Variants in ASH1L observed in about 807,000 individuals in gnomAD.
The protein encoded by ASH1L is ASH1 like histone lysine methyltransferase.
A neutral mutation model predicts 269.0 loss-of-function variants in ASH1L; 23 were observed. The ratio of observed to expected loss-of-function variants is 0.09; its 90% CI spans 0.06 to 0.12. The LOEUF (loss-of-function observed/expected upper bound fraction) is 0.12, where lower values mean the gene tolerates loss of function less well. ASH1L is among the 10% of genes least tolerant of loss of function. The pLI, the probability that ASH1L is intolerant of heterozygous loss-of-function variation, is 1.00. For missense variants in ASH1L, 2,912 were observed against 3,567.8 expected (o/e 0.82, Z 4.68); for synonymous variants, 1,187 against 1,253.5 (o/e 0.95, Z 1.12).
At chr1:155,506,714 A>G (rs977482955) in intron 2 of ASH1L, among the ~76,000 whole-genome samples, 19 of 152,166 alleles carry the variant, frequency 1.2e-4, no homozygotes, top group African/African-American at 4.6e-4. Context: ...AAAGAAAAAG[A>G]AACATTAATC....
rs1665872658 is a variant in ASH1L at position 155,480,487 on chromosome 1, C to T, written c.2383G>A (p.Asp795Asn). The T allele has an allele frequency of 1.9e-6, 3 of 1,614,042 alleles. No homozygotes were observed. Among genetic ancestry groups the T allele is most frequent in the Non-Finnish European group, 2.5e-6 (3 of 1,179,926 alleles). ...GACTTATGAGATGGTTTTTCACTAT[C>T]AGCTAAGAGAGCAAGAGATGGAGCT... ...STAPSLALLADSEKPSHKSFA... is the reference protein window; with the variant it reads ...STAPSLALLANSEKPSHKSFA... Residue 795 changes from aspartate (D) to asparagine (N), a missense_variant, in exon 3 of 28, where the codon GAT (aspartate) becomes AAT (asparagine). This residue lies in a region of ASH1L where 715 missense variants were observed against 721.0 expected (regional missense o/e 0.99). Coordinates refer to ENST00000392403, the MANE Select transcript of ASH1L (RefSeq NM_018489.3).
At chr1:155,419,531 A>T (rs1345644309) in intron 5 of ASH1L, 1 of 152,212 alleles carries the variant, frequency 6.6e-6, no homozygotes, top group Non-Finnish European at 1.5e-5. Context: ...AAAATAATAC[A>T]GGTGATTCTT....
intron 2 of ASH1L, among the ~76,000 whole-genome samples, chr1:155,502,595 G>T (rs1667585967): frequency 1.3e-5 from 2 of 152,100 alleles, no homozygotes; most frequent in African/African-American, 4.8e-5. Flanking sequence ...AAGAAATAGA[G>T]AAATCAATTA....
At chr1:155,449,820 A>C (rs1218729096) in intron 4 of ASH1L, among the ~76,000 whole-genome samples, 1 of 151,900 alleles carries the variant, frequency 6.6e-6, no homozygotes, top group Non-Finnish European at 1.5e-5. Context: ...CGCCCAGCCG[A>C]GAAAAATGTG....
intron 1 of ASH1L, among the ~76,000 whole-genome samples, chr1:155,547,129 T>C (rs989492638): frequency 6.6e-6 from 1 of 151,230 alleles, no homozygotes; most frequent in African/African-American, 2.4e-5. Flanking sequence ...ATTTTTGTAT[T>C]TTTAGTAGAG....
rs995842237 is a variant in ASH1L, at chr1:155,493,111, C to T, written c.421-10662G>A. On this transcript the variant is annotated intron_variant, in intron 2 of 27. Transcript: ENST00000392403. ...GAATTACAAGCATGTGCCACTGCAC[C>T]CAACCAAATTCACCCTTTTAAAGTG... Among the ~76,000 whole-genome samples the T allele has an allele frequency of 2.0e-5, 3 of 152,134 alleles. No individual in the cohort carries two copies. In the South Asian group the frequency reaches 6.2e-4, roughly 32 times the overall value.
chr1:155,461,486 T>G (rs575798327), intron 3 of ASH1L, among the ~76,000 whole-genome samples: 2 of 152,164 alleles, frequency 1.3e-5, no homozygotes, highest in Non-Finnish European at 2.9e-5. Context: ...TATTGTTGAA[T>G]CTTAACAACA....
intron 4 of ASH1L, among the ~76,000 whole-genome samples, chr1:155,457,094 T>C (rs569649464): frequency 6.6e-5 from 10 of 152,322 alleles, no homozygotes; most frequent in Non-Finnish European, 1.5e-4. Flanking sequence ...GAAGGCAACA[T>C]GGAGTGGACT....
intron 7 of ASH1L, among the ~76,000 whole-genome samples, chr1:155,388,107 G>A (rs1657593085): frequency 6.6e-6 from 1 of 152,128 alleles, no homozygotes; most frequent in Non-Finnish European, 1.5e-5. Flanking sequence ...TAGACAAAAC[G>A]GAATCATTCA....
At chr1:155,360,792 G>A (rs1241545914) in intron 12 of ASH1L, among the ~76,000 whole-genome samples, 1 of 152,156 alleles carries the variant, frequency 6.6e-6, no homozygotes, top group Non-Finnish European at 1.5e-5. Flanking sequence ...AATACTGCCA[G>A]AGTAAGAATC....
chr1:155,408,949 G>GA (rs10618305), intron 6 of ASH1L, among the ~76,000 whole-genome samples: 92 of 149,112 alleles, frequency 6.2e-4, no homozygotes, highest in African/African-American at 2.1e-3. Context: ...AGTTTACGGA[G>GA]AAAAAAAAAG....
chr1:155,341,177 CA>C (rs1435414776), intron 25 of ASH1L, among the ~76,000 whole-genome samples: 16 of 130,200 alleles, frequency 1.2e-4, no homozygotes, highest in African/African-American at 4.4e-4. Flanking sequence ...TCAATGTTCA[CA>C]ATTTTTTTTT....
chr1:155,537,432 C>T (rs1194837587), intron 1 of ASH1L, among the ~76,000 whole-genome samples: 1 of 152,164 alleles, frequency 6.6e-6, no homozygotes, highest in Non-Finnish European at 1.5e-5. Context: ...TGACAATAAT[C>T]TTATTAGATT....
chr1:155,379,993 T>TC, intron 8 of ASH1L, 50 bp downstream of exon 8: 2 of 1,338,270 alleles, frequency 1.5e-6, no homozygotes, highest in East Asian at 4.6e-5. Context: ...TTTCCACCCC[T>TC]CCCCCTTTAC....
intron 2 of ASH1L, among the ~76,000 whole-genome samples, chr1:155,501,073 T>C (rs1218462238): frequency 6.6e-6 from 1 of 152,078 alleles, no homozygotes; most frequent in Non-Finnish European, 1.5e-5. Flanking sequence ...AAAAACACAA[T>C]ACCCCATAGT....
Position 155,536,231 on chromosome 1 carries a change from T to C in ASH1L, c.-99-14613A>G, listed in dbSNP as rs768965516. Reference sequence around the variant, plus strand: ...TGTTTCAGAAATAGAATGGAGACCTTTGCCCAACCCGGCTTCCTGGAACTG... The same window carrying C: ...TGTTTCAGAAATAGAATGGAGACCTCTGCCCAACCCGGCTTCCTGGAACTG... On this transcript the variant is annotated intron_variant, in intron 1 of 27. Transcript: ENST00000392403. Among the ~76,000 whole-genome samples, 5 of 152,164 alleles carry C rather than the reference T, an allele frequency of 3.3e-5. No homozygotes were observed. In the East Asian group the frequency reaches 9.6e-4, roughly 29 times the overall value.
intron 4 of ASH1L, among the ~76,000 whole-genome samples, chr1:155,444,622 T>C (rs1662856760): frequency 1.3e-5 from 2 of 152,054 alleles, no homozygotes; most frequent in Admixed American, 1.3e-4. Flanking sequence ...GTTTTCTGTT[T>C]GTTTGTTTTC....
At chr1:155,415,353 G>C (rs1660120372) in intron 6 of ASH1L, among the ~76,000 whole-genome samples, 1 of 145,994 alleles carries the variant, frequency 6.8e-6, no homozygotes, top group Non-Finnish European at 1.5e-5. Flanking sequence ...CTGCACTCCA[G>C]CCTGGGTGAC....
intron 4 of ASH1L, among the ~76,000 whole-genome samples, chr1:155,447,854 T>A (rs941593069): frequency 7.2e-5 from 11 of 152,226 alleles, no homozygotes; most frequent in African/African-American, 2.7e-4. Context: ...GTGCAGAAGC[T>A]TTTTTACTTG....
Sources: allele counts gnomAD v4.1 joint callset (sites outside exome capture counted in the v4.1 genomes callset), GRCh38; gene constraint gnomAD v4.1.1; regional missense constraint gnomAD v4.1.1; transcripts MANE v1.5; gene names NCBI Gene and HGNC (gene_info 2026-07-23, HGNC 2026-07-21).